Variants in RTN4 observed in about 807,000 individuals in gnomAD.
RTN4 encodes the protein reticulon 4, also known as reticulon-4.
In RTN4, 32 loss-of-function variants were observed where a neutral mutation model predicts 90.4. The observed-to-expected ratio is 0.35, with a 90% CI of 0.27 to 0.48. RTN4 has a LOEUF of 0.48. Ranked by LOEUF, RTN4 falls within the 20% of genes least tolerant of loss-of-function variation. The probability of loss-of-function intolerance (pLI) is 0.99; values close to 1 mark genes in which losing one functional copy is unlikely to be tolerated. For missense variants in RTN4, 1,706 were observed against 1,430.2 expected (o/e 1.19, Z -3.11); for synonymous variants, 629 against 552.5 (o/e 1.14, Z -1.94).
chr2:55,137,447 G>A, the RTN4 span, among the ~76,000 whole-genome samples: 1 of 152,210 alleles, frequency 6.6e-6, no homozygotes, highest in Admixed American at 6.5e-5. Context: ...GACCACGTCA[G>A]TGGGAATAGA....
intron 3 of RTN4, among the ~76,000 whole-genome samples, chr2:55,021,508 G>T (rs1371855302): frequency 1.4e-5 from 2 of 145,846 alleles, no homozygotes; most frequent in East Asian, 4.0e-4. Context: ...TTTTTGTGGA[G>T]AACGGAGTCT....
chr2:55,003,714 T>C (rs1429779617), intron 3 of RTN4, among the ~76,000 whole-genome samples: 1 of 152,214 alleles, frequency 6.6e-6, no homozygotes, highest in East Asian at 1.9e-4. Flanking sequence ...TAGCTAGACC[T>C]ATGATGACTG....
rs146272657 is a variant in RTN4 at position 55,013,562 on chromosome 2, T to C, written c.3013+11524A>G. 1.9e-3 allele frequency among the ~76,000 whole-genome samples: 268 copies of C among 142,354 alleles called. 1 individual carries two copies. Among genetic ancestry groups the C allele is most frequent in the African/African-American group, 6.1e-3 (240 of 39,384 alleles). 93.4% of individuals were successfully genotyped at this position (142,354 alleles called of 152,430 possible). ...AATTCCTACTAAACAAGAAACTCTTTTATGACCTCAGAAACTGTGTGTATG... is the reference window on the plus strand; with the variant it reads ...AATTCCTACTAAACAAGAAACTCTTCTATGACCTCAGAAACTGTGTGTATG... On this transcript the variant is annotated intron_variant, in intron 3 of 8. Transcript: ENST00000337526.
chr2:55,129,496 C>T, the RTN4 span, among the ~76,000 whole-genome samples: 3 of 152,216 alleles, frequency 2.0e-5, no homozygotes, highest in South Asian at 2.1e-4. Flanking sequence ...AGGAGGATTG[C>T]CTGAGCCTAA....
intron 1 of RTN4, among the ~76,000 whole-genome samples, chr2:55,104,558 C>T (rs185741184): frequency 5.3e-5 from 8 of 151,946 alleles, no homozygotes; most frequent in African/African-American, 1.5e-4. Context: ...ACCATGTTGA[C>T]GAAGCTGGTC....
At chr2:55,070,266 C>A (rs563471897) in intron 2 of RTN4, among the ~76,000 whole-genome samples, 7 of 151,968 alleles carry the variant, frequency 4.6e-5, no homozygotes, top group Admixed American at 1.3e-4. Flanking sequence ...TCCCCACCCC[C>A]CCAAACAAAA....
intron 3 of RTN4, among the ~76,000 whole-genome samples, chr2:54,989,326 T>C (rs1392356999): frequency 1.3e-5 from 2 of 152,228 alleles, no homozygotes; most frequent in African/African-American, 2.4e-5. Flanking sequence ...ATTTCGAAGT[T>C]TGTTTTCAAA....
At chr2:55,014,229 A>G (rs762660789) in intron 3 of RTN4, among the ~76,000 whole-genome samples, 2 of 152,156 alleles carry the variant, frequency 1.3e-5, no homozygotes, top group Non-Finnish European at 2.9e-5. Flanking sequence ...AGTACAAGTT[A>G]AAATAGCAAA....
rs112074437 is a variant in RTN4, at chr2:55,032,460, A to G, written c.557-4240T>C. Among the ~76,000 whole-genome samples, 12 of 152,320 alleles carry G rather than the reference A, an allele frequency of 7.9e-5. 1 individual carries two copies. Among genetic ancestry groups the G allele is most frequent in the African/African-American group, 2.6e-4 (11 of 41,572 alleles). On this transcript the variant is annotated intron_variant, in intron 1 of 8. Transcript: ENST00000337526. ...AAAAAGACAGACATATAGAGTAGACAGGGAATCTTGGTGGAGAAATATAGA... is the reference window on the plus strand; with the variant it reads ...AAAAAGACAGACATATAGAGTAGACGGGGAATCTTGGTGGAGAAATATAGA...
intron 3 of RTN4, among the ~76,000 whole-genome samples, chr2:55,006,812 T>C (rs1680261191): frequency 6.6e-6 from 1 of 152,164 alleles, no homozygotes; most frequent in African/African-American, 2.4e-5. Context: ...CCCCCCTTAG[T>C]ATCAGTTACA....
chr2:55,108,340 T>C (rs1214085868), intron 1 of RTN4, among the ~76,000 whole-genome samples: 2 of 152,058 alleles, frequency 1.3e-5, no homozygotes, highest in East Asian at 3.9e-4. Flanking sequence ...TCAGTAGTAA[T>C]CCCCAAATTC....
At chr2:55,059,901 CTCCTGGGTT>C (rs1283474959) in intron 2 of RTN4, among the ~76,000 whole-genome samples, 2 of 152,048 alleles carry the variant, frequency 1.3e-5, no homozygotes, top group African/African-American at 2.4e-5. Context: ...TGGTCTCTAA[CTCCTGGGTT>C]CAAGCGATCC....
At chr2:55,134,386 C>T in the RTN4 span, among the ~76,000 whole-genome samples, 1 of 152,150 alleles carries the variant, frequency 6.6e-6, no homozygotes, top group Non-Finnish European at 1.5e-5. Context: ...AGATCCTAGA[C>T]TTGGAGAAGG....
the RTN4 span, among the ~76,000 whole-genome samples, chr2:55,122,365 A>G: frequency 2.0e-5 from 3 of 152,146 alleles, no homozygotes; most frequent in Non-Finnish European, 2.9e-5. Context: ...CCAAGAAGTC[A>G]TTACTTCCCC....
intron 1 of RTN4, among the ~76,000 whole-genome samples, chr2:55,086,907 G>A (rs1419328404): frequency 7.0e-6 from 1 of 143,586 alleles, no homozygotes; most frequent in African/African-American, 2.6e-5. Context: ...CGATCCTTCT[G>A]CCTGAGCCTC....
intron 2 of RTN4, among the ~76,000 whole-genome samples, chr2:55,059,307 A>C (rs1342689804): frequency 1.1e-4 from 4 of 38,082 alleles, no homozygotes; most frequent in Non-Finnish European, 2.8e-4. Context: ...TTTAGACTTA[A>C]TTGTTTTTTT....
chr2:55,132,807 G>A, the RTN4 span, among the ~76,000 whole-genome samples: 8 of 64,862 alleles, frequency 1.2e-4, no homozygotes, highest in Admixed American at 5.7e-4. Flanking sequence ...GAGTGAGACC[G>A]TCTCTCAAAA....
intron 3 of RTN4, among the ~76,000 whole-genome samples, chr2:55,020,477 A>ACTAC (rs10665158): frequency 0.15 from 22,215 of 151,856 alleles, 2,074 homozygotes; most frequent in South Asian, 0.35. Context: ...ATTCATTGAT[A>ACTAC]CTACTACTGA....
intron 1 of RTN4, among the ~76,000 whole-genome samples, chr2:55,110,603 T>C (rs552949304): frequency 2.6e-5 from 4 of 152,292 alleles, no homozygotes; most frequent in Non-Finnish European, 5.9e-5. Context: ...TGCAGACCAA[T>C]GTCAATCTAT....
Sources: allele counts gnomAD v4.1 joint callset (sites outside exome capture counted in the v4.1 genomes callset), GRCh38; gene constraint gnomAD v4.1.1; transcripts MANE v1.5; gene names NCBI Gene and HGNC (gene_info 2026-07-23, HGNC 2026-07-21).